DNAH3: variants seen among roughly 807,000 people sequenced by gnomAD.
DNAH3 encodes the protein dynein axonemal heavy chain 3.
DNAH3 carries 332 observed loss-of-function variants against 432.5 expected under a neutral mutation model. That is an observed-to-expected ratio of 0.77 (90% CI 0.70 to 0.84). The LOEUF is 0.84. Ranked by LOEUF, DNAH3 falls within the 40% of genes least tolerant of loss-of-function variation. The pLI is 0.00. For missense variants in DNAH3, 4,861 were observed against 5,114.0 expected (o/e 0.95, Z 1.51); for synonymous variants, 1,956 against 1,900.2 (o/e 1.03, Z -0.76).
rs777278488 is a variant in DNAH3 at position 20,987,830 on chromosome 16, G to A, written c.6745C>T (p.Gln2249Ter). The A allele has an allele frequency of 1.9e-6, 3 of 1,614,094 alleles. No homozygotes were observed. The highest frequency in any genetic ancestry group is 1.1e-5 in the South Asian group (1 of 91,078). The change falls in exon 46 of 62, where the codon CAA (glutamine) becomes TAA (stop). Residue 2249 changes from glutamine (Q) to a stop codon, truncating the protein, a stop_gained. Coordinates refer to ENST00000261383, the Ensembl canonical transcript of DNAH3. LOFTEE classifies it high-confidence loss of function. ...TCTCTATAAATTGTCTTAGTAGCTTGGACCAGCATCTTTCCGTACCTTGGG... is the reference window on the plus strand; with the variant it reads ...TCTCTATAAATTGTCTTAGTAGCTTAGACCAGCATCTTTCCGTACCTTGGG...
chr16:20,942,527 G>A (rs2083861468), intron 58 of DNAH3, among the ~76,000 whole-genome samples: 1 of 152,182 alleles, frequency 6.6e-6, no homozygotes, highest in Non-Finnish European at 1.5e-5. Context: ...CTTCATACCA[G>A]TGATACTTAA....
rs1567682586 is a variant in DNAH3 at position 21,039,849 on chromosome 16, C to T, written c.4730+3G>A. 8 of 1,607,386 alleles carry T rather than the reference C, an allele frequency of 5.0e-6. No individual in the cohort carries two copies. The highest frequency in any genetic ancestry group is 6.0e-6 in the Non-Finnish European group (7 of 1,173,956). On this transcript the variant is annotated splice_donor_region_variant and intron_variant, in intron 33 of 61. Coordinates refer to ENST00000261383, the Ensembl canonical transcript of DNAH3. The stretch of plus-strand genomic sequence containing the variant: ...AATGCACTGGAAAACCCATGTAACA[C>T]ACCTTCTGGAGTCCAGAAACCCCAT...
chr16:21,081,017 G>C (rs1040038407), intron 20 of DNAH3, among the ~76,000 whole-genome samples: 1 of 151,962 alleles, frequency 6.6e-6, no homozygotes, highest in African/African-American at 2.4e-5. Context: ...TCCTGGGTTC[G>C]AGCGATCCTC....
At chr16:21,055,253 G>A (rs530663826) in intron 27 of DNAH3, among the ~76,000 whole-genome samples, 1 of 152,084 alleles carries the variant, frequency 6.6e-6, no homozygotes, top group Middle Eastern at 3.2e-3. Context: ...ATGGGGTTTT[G>A]CCATGTTGGC....
intron 19 of DNAH3, among the ~76,000 whole-genome samples, chr16:21,083,168 A>C (rs1447413777): frequency 6.6e-6 from 1 of 151,872 alleles, no homozygotes; most frequent in Non-Finnish European, 1.5e-5. Flanking sequence ...GGCGCATGGC[A>C]CCACGCCCGG....
At chr16:21,098,527 A>C in intron 17 of DNAH3, 89 bp downstream of exon 17, 1 of 1,325,040 alleles carries the variant, frequency 7.5e-7, no homozygotes, top group Non-Finnish European at 1.0e-6. Flanking sequence ...CACCTAGTAG[A>C]TGCTATTAGG....
chr16:21,020,614 C>T (rs1567648526), intron 40 of DNAH3, among the ~76,000 whole-genome samples: 1 of 150,534 alleles, frequency 6.6e-6, no homozygotes, highest in African/African-American at 2.4e-5. Context: ...TGTTGTTGGC[C>T]AGACTGGTCT....
chr16:21,139,372 GC>G (rs1478183678), intron 5 of DNAH3, among the ~76,000 whole-genome samples: 4 of 94,566 alleles, frequency 4.2e-5, no homozygotes, highest in African/African-American at 1.7e-4. Flanking sequence ...TTGCTCTGTT[GC>G]CCAGGCTGGA....
chr16:21,092,475 A>C (rs572536929), intron 18 of DNAH3, among the ~76,000 whole-genome samples: 1 of 152,184 alleles, frequency 6.6e-6, no homozygotes, highest in African/African-American at 2.4e-5. Flanking sequence ...AATTAACTCA[A>C]AATGGATCAT....
exon 29 of DNAH3, chr16:21,051,709 G>C (rs779761692): frequency 6.2e-7 from 1 of 1,613,706 alleles, no homozygotes; most frequent in Admixed American, 1.7e-5. Flanking sequence ...CACCAGCCGG[G>C]GGGAGTTTCC....
chr16:21,099,229 T>C (rs1180622667), intron 16 of DNAH3, among the ~76,000 whole-genome samples: 1 of 127,850 alleles, frequency 7.8e-6, no homozygotes, highest in Non-Finnish European at 1.7e-5. Context: ...ACCTAGACAA[T>C]AGACATGGAT....
chr16:21,159,294 G>A (rs1199740263), intron 1 of DNAH3: 1 of 1,576,644 alleles, frequency 6.3e-7, no homozygotes. Context: ...TTCAGTCTCT[G>A]TGCCTTCTGG....
At chr16:21,121,584 C>CTT (rs397956825) in intron 10 of DNAH3, among the ~76,000 whole-genome samples, 6 of 138,686 alleles carry the variant, frequency 4.3e-5, no homozygotes, top group Non-Finnish European at 6.3e-5. Context: ...CAAAGTAGGT[C>CTT]TTTTTTTTTT....
At chr16:21,041,968 C>T (rs1349846577) in intron 32 of DNAH3, 59 bp downstream of exon 32, 60 of 1,598,906 alleles carry the variant, frequency 3.8e-5, no homozygotes, top group Non-Finnish European at 4.8e-5. Context: ...CCGCCACACC[C>T]GGCCCAGAGG....
intron 18 of DNAH3, among the ~76,000 whole-genome samples, chr16:21,087,788 T>C (rs1040716849): frequency 1.3e-5 from 2 of 151,964 alleles, no homozygotes; most frequent in Non-Finnish European, 2.9e-5. Flanking sequence ...GTCCCAGCTA[T>C]TTGGGAGGCT....
At chr16:21,129,443 C>T (rs2092510239) in intron 7 of DNAH3, 1 of 151,900 alleles carries the variant, frequency 6.6e-6, no homozygotes, top group Admixed American at 6.6e-5. Flanking sequence ...AGAAATGCAC[C>T]CTGGGGCTGG....
chr16:21,000,577 G>C, intron 42 of DNAH3, 59 bp from the exon 43 acceptor site: 1 of 1,461,660 alleles, frequency 6.8e-7, no homozygotes. Flanking sequence ...GGAGGTCTTG[G>C]CATTCAAGAG....
chr16:21,080,729 C>A (rs564570979), intron 20 of DNAH3, among the ~76,000 whole-genome samples: 2 of 152,156 alleles, frequency 1.3e-5, no homozygotes, highest in African/African-American at 2.4e-5. Flanking sequence ...GTGCCACACT[C>A]ACCTAACAGG....
intron 9 of DNAH3, among the ~76,000 whole-genome samples, chr16:21,123,459 G>C (rs1167292572): frequency 6.6e-6 from 1 of 152,118 alleles, no homozygotes; most frequent in Non-Finnish European, 1.5e-5. Flanking sequence ...TGGAATTTTA[G>C]AGTGAGATTG....
Sources: gnomAD v4.1 joint callset for allele counts (sites outside exome capture counted in the v4.1 genomes callset) on GRCh38, gnomAD v4.1.1 for gene constraint, MANE v1.5 for transcripts, NCBI Gene and HGNC (gene_info 2026-07-23, HGNC 2026-07-21) for gene names.